Variants in DCDC1 observed in about 807,000 individuals in gnomAD.
DCDC1 encodes doublecortin domain containing 1.
DCDC1 carries 200 observed loss-of-function variants against 178.3 expected under a neutral mutation model. That is an observed-to-expected ratio of 1.12 (90% CI 1.00 to 1.26). The LOEUF (loss-of-function observed/expected upper bound fraction) is 1.26, where lower values mean the gene tolerates loss of function less well. Ranked by LOEUF, DCDC1 falls within the 50% of genes most tolerant of loss-of-function variation. DCDC1 has a pLI of 0.00. For synonymous variants in DCDC1, 690 were observed against 604.8 expected (o/e 1.14, Z -2.07); for missense variants, 1,983 against 1,749.2 (o/e 1.13, Z -2.38).
intron 15 of DCDC1, among the ~76,000 whole-genome samples, chr11:31,099,295 C>A (rs2135718994): frequency 6.6e-6 from 1 of 152,290 alleles, no homozygotes; most frequent in East Asian, 1.9e-4. Flanking sequence ...AATTTCCAAT[C>A]TAGCAGGGAG....
In DCDC1 at chr11:31,279,381, T is replaced by C. The variant is rs570771510; in HGVS notation, c.960+11266A>G. ...GCTGTTTAAAGACAATCCTAAATTA[T>C]TACTTAGTTTGACTTAGATTGTAAA... is the stretch of plus-strand genomic sequence containing the variant. On this transcript the variant is annotated intron_variant, in intron 7 of 38. Coordinates refer to ENST00000684477, the MANE Select transcript of DCDC1 (RefSeq NM_001387274.1). Among the ~76,000 whole-genome samples the C allele has an allele frequency of 1.6e-3, 250 of 152,290 alleles. 1 individual carries two copies. Among genetic ancestry groups the C allele is most frequent in the South Asian group, 5.0e-3 (24 of 4,826 alleles).
chr11:31,280,813 G>A (rs1393760086), intron 7 of DCDC1: 2 of 618,674 alleles, frequency 3.2e-6, no homozygotes, highest in Non-Finnish European at 6.2e-6. Flanking sequence ...CTCCCCAGGT[G>A]ATGCCTTTGT....
At chr11:30,896,884 C>A (rs1944264939) in intron 34 of DCDC1, among the ~76,000 whole-genome samples, 1 of 152,138 alleles carries the variant, frequency 6.6e-6, no homozygotes, top group Non-Finnish European at 1.5e-5. Context: ...TAAAGTCAGC[C>A]TAGCACAGTG....
At chr11:31,000,661 C>T (rs903342891) in intron 20 of DCDC1, among the ~76,000 whole-genome samples, 2 of 151,590 alleles carry the variant, frequency 1.3e-5, no homozygotes, top group African/African-American at 2.4e-5. Flanking sequence ...ATTAATGAAG[C>T]TTTGTTGGCA....
At chr11:30,939,909 G>C (rs1459713622) in intron 21 of DCDC1, among the ~76,000 whole-genome samples, 1 of 152,100 alleles carries the variant, frequency 6.6e-6, no homozygotes, top group Non-Finnish European at 1.5e-5. Context: ...ATTTCTGTGT[G>C]GAAATTTTGA....
At chr11:30,958,094 T>C (rs1296013545) in intron 20 of DCDC1, among the ~76,000 whole-genome samples, 1 of 152,208 alleles carries the variant, frequency 6.6e-6, no homozygotes, top group African/African-American at 2.4e-5. Flanking sequence ...AGTGGAATAC[T>C]TGATCATCCA....
At chr11:31,096,205 A>C (rs1439867140) in intron 15 of DCDC1, among the ~76,000 whole-genome samples, 1 of 152,194 alleles carries the variant, frequency 6.6e-6, no homozygotes, top group Admixed American at 6.5e-5. Context: ...AAATACAGCA[A>C]CACCACCACC....
intron 20 of DCDC1, among the ~76,000 whole-genome samples, chr11:31,054,487 A>T (rs959878586): frequency 2.0e-5 from 3 of 152,120 alleles, no homozygotes; most frequent in African/African-American, 7.2e-5. Context: ...TAGAAAAGAC[A>T]ATTCTAAAAT....
intron 1 of DCDC1, among the ~76,000 whole-genome samples, chr11:31,342,533 A>G (rs540970460): frequency 6.6e-6 from 1 of 152,330 alleles, no homozygotes; most frequent in East Asian, 1.9e-4. Flanking sequence ...ATAGTTTAAT[A>G]AGAGAGGGTG....
chr11:31,174,585 C>T (rs557591277), intron 9 of DCDC1, among the ~76,000 whole-genome samples: 1 of 152,172 alleles, frequency 6.6e-6, no homozygotes, highest in Admixed American at 6.5e-5. Flanking sequence ...AAACCTGAAG[C>T]CTGGGGGCAA....
At chr11:31,151,538 C>G (rs1469286644) in intron 9 of DCDC1, among the ~76,000 whole-genome samples, 1 of 152,116 alleles carries the variant, frequency 6.6e-6, no homozygotes, top group Admixed American at 6.6e-5. Context: ...AAACAGCACC[C>G]AATGTCATTA....
At chr11:30,929,535 G>C (rs1045438246) in intron 22 of DCDC1, among the ~76,000 whole-genome samples, 1 of 151,988 alleles carries the variant, frequency 6.6e-6, no homozygotes, top group Non-Finnish European at 1.5e-5. Context: ...GGAATTGGGG[G>C]AGTGTTGATA....
At chr11:30,891,305 A>G (rs1943750425) in intron 36 of DCDC1, among the ~76,000 whole-genome samples, 1 of 152,220 alleles carries the variant, frequency 6.6e-6, no homozygotes, top group Non-Finnish European at 1.5e-5. Context: ...GCTCATAAAA[A>G]TTATATGATC....
Position 31,303,969 on chromosome 11 carries a change from AAT to A in DCDC1, c.754+1644_754+1645del, listed in dbSNP as rs1227508853. On this transcript the variant is annotated intron_variant, in intron 6 of 38. Transcript: ENST00000684477. ...CAAGAGATGGTGTGAAATTTTCAGG[AAT>A]GTGTGCCAACATTTTGGTGCTAAAA... Among the ~76,000 whole-genome samples the A allele has an allele frequency of 5.3e-5, 8 of 152,280 alleles. No homozygotes were observed. In the South Asian group the frequency reaches 1.0e-3, roughly 20 times the overall value.
intron 9 of DCDC1, among the ~76,000 whole-genome samples, chr11:31,201,508 C>A (rs1261236443): frequency 1.3e-5 from 2 of 151,856 alleles, no homozygotes; most frequent in Non-Finnish European, 2.9e-5. Context: ...ACAATTACCA[C>A]CTGTACTCAG....
chr11:31,279,340 T>A (rs1946246884), intron 7 of DCDC1, among the ~76,000 whole-genome samples: 1 of 152,138 alleles, frequency 6.6e-6, no homozygotes, highest in Admixed American at 6.6e-5. Flanking sequence ...GTTCTACAGT[T>A]TTATGTTTCT....
At chr11:31,308,055 T>C (rs1175075089) in intron 3 of DCDC1, 147 bp from the exon 4 acceptor site, 1 of 1,061,528 alleles carries the variant, frequency 9.4e-7, no homozygotes, top group African/African-American at 1.6e-5. Context: ...ACAATATTCC[T>C]GGGAAGTGGT....
chr11:31,358,233 A>C (rs1951499856), intron 1 of DCDC1, among the ~76,000 whole-genome samples: 1 of 152,134 alleles, frequency 6.6e-6, no homozygotes, highest in African/African-American at 2.4e-5. Flanking sequence ...CTGGTACCAA[A>C]ACAGAGATAT....
Position 30,864,432 on chromosome 11 carries a change from G to C in DCDC1, c.*941C>G, listed in dbSNP as rs1590151402. On this transcript the variant is annotated 3_prime_UTR_variant, in exon 39 of 39. Coordinates refer to ENST00000684477, the MANE Select transcript of DCDC1 (RefSeq NM_001387274.1). ...GTGTTTCTTTCCTCTGAAAAGCAGA[G>C]AGGACTATCCCAGTATAACTCCATT... 6.6e-6 allele frequency: 1 copy of C among 152,330 alleles called. No individual in the cohort carries two copies. The highest frequency in any genetic ancestry group is 2.1e-4 in the South Asian group (1 of 4,832). 9.4% of individuals were successfully genotyped at this position (152,330 alleles called of 1,614,324 possible). A position where few individuals can be genotyped will look rare whatever the true frequency, so the allele number is the denominator to read the frequency against.
Sources: gnomAD v4.1 joint callset for allele counts (sites outside exome capture counted in the v4.1 genomes callset) on GRCh38, gnomAD v4.1.1 for gene constraint, MANE v1.5 for transcripts, NCBI Gene and HGNC (gene_info 2026-07-23, HGNC 2026-07-21) for gene names.